The following KCTD19 variants were observed in gnomAD, a reference collection of about 807,000 sequenced individuals.
KCTD19 encodes the protein potassium channel tetramerization domain containing 19.
In KCTD19, 67 loss-of-function variants were observed where a neutral mutation model predicts 103.5. That is an observed-to-expected ratio of 0.65 (90% CI 0.53 to 0.79). The LOEUF (loss-of-function observed/expected upper bound fraction) is 0.79, where lower values mean the gene tolerates loss of function less well. Ranked by LOEUF, KCTD19 falls within the 30% of genes least tolerant of loss-of-function variation. The pLI is 0.00. For missense variants in KCTD19, 980 were observed against 1,136.1 expected, an observed-to-expected ratio of 0.86 and a Z score of 1.98; for synonymous variants, 439 against 452.2, an observed-to-expected ratio of 0.97 and a Z score of 0.37.
rs1193884774 is a variant in KCTD19, at chr16:67,323,198, T to TAGGTGTACACTTA, written c.4-2326_4-2314dup. The stretch of plus-strand genomic sequence containing the variant: ...TACTATGAGCCAGCAATTCCACTCC[T>TAGGTGTACACTTA]AGGTGTACACTTAAGACAAATAAAG... On this transcript the variant is annotated intron_variant, in intron 1 of 15. Coordinates refer to ENST00000304372, the MANE Select transcript of KCTD19 (RefSeq NM_001100915.3). The surrounding 1 kb of genome is among the most constrained non-coding windows in gnomAD (Gnocchi z 4.1). Among the ~76,000 whole-genome samples, 13 of 152,224 alleles carry TAGGTGTACACTTA rather than the reference T, an allele frequency of 8.5e-5. No homozygotes were observed. The highest frequency in any genetic ancestry group is 1.9e-4 in the Non-Finnish European group (13 of 68,036).
Position 67,295,421 on chromosome 16 carries a change from C to A in KCTD19, c.1249-16G>T. The A allele has an allele frequency of 6.2e-7, 1 of 1,603,618 alleles. No individual in the cohort carries two copies. The highest frequency in any genetic ancestry group is 1.8e-4 in the Middle Eastern group (1 of 5,484). Reference sequence around the variant, plus strand: ...GTTCTGGATACTGGAGGGGGTTGGACACCGGACTCAGTCTCAGAGGCTAGG... The same window carrying A: ...GTTCTGGATACTGGAGGGGGTTGGAAACCGGACTCAGTCTCAGAGGCTAGG... On this transcript the variant is annotated splice_polypyrimidine_tract_variant and intron_variant, in intron 8 of 15. Coordinates refer to ENST00000304372, the MANE Select transcript of KCTD19 (RefSeq NM_001100915.3).
chr16:67,307,315 A>ATTTT, intron 2 of KCTD19, among the ~76,000 whole-genome samples: 1 of 138,952 alleles, frequency 7.2e-6, no homozygotes, highest in Middle Eastern at 3.7e-3. Context: ...CACCCTGCTA[A>ATTTT]TTTTTTTTTT....
intron 2 of KCTD19, among the ~76,000 whole-genome samples, chr16:67,316,165 C>T (rs1257539543): frequency 1.3e-5 from 2 of 152,160 alleles, no homozygotes; most frequent in Non-Finnish European, 2.9e-5. Context: ...CCTCAGTCTC[C>T]TGAGTAGCTG....
intron 4 of KCTD19, chr16:67,302,671 G>T (rs780397739): frequency 2.7e-4 from 45 of 164,936 alleles, no homozygotes; most frequent in Non-Finnish European, 4.9e-4. Context: ...GACTCTGGGG[G>T]AACCTGTCAC....
intron 1 of KCTD19, among the ~76,000 whole-genome samples, chr16:67,326,275 G>A (rs1299168256): frequency 6.6e-6 from 1 of 152,014 alleles, no homozygotes; most frequent in African/African-American, 2.4e-5. Flanking sequence ...CTAAAGACAG[G>A]ACCCCAACTC....
chr16:67,316,875 G>C (rs1206088002), intron 2 of KCTD19, among the ~76,000 whole-genome samples: 2 of 152,132 alleles, frequency 1.3e-5, no homozygotes, highest in Non-Finnish European at 2.9e-5. Context: ...GGAATGGGGA[G>C]GGGTGGAGAG....
chr16:67,308,957 A>G (rs2036922087), intron 2 of KCTD19, among the ~76,000 whole-genome samples: 1 of 151,872 alleles, frequency 6.6e-6, no homozygotes, highest in African/African-American at 2.4e-5. Flanking sequence ...ACATGGCAAA[A>G]CCCCAACTCT....
At chr16:67,295,740 T>C (rs2142503845) in intron 8 of KCTD19, 1 of 333,952 alleles carries the variant, frequency 3.0e-6, no homozygotes. Flanking sequence ...GGTCCACTTG[T>C]GCTCTGTTTT....
Position 67,299,528 on chromosome 16 carries a change from C to G in KCTD19, c.821G>C (p.Gly274Ala). The G allele has an allele frequency of 6.2e-7, 1 of 1,614,052 alleles. No homozygotes were observed. Among genetic ancestry groups the G allele is most frequent in the Non-Finnish European group, 8.5e-7 (1 of 1,180,034 alleles). ...TTCSPLSPGKGARTASLESVK... is the reference protein window; with the variant it reads ...TTCSPLSPGKAARTASLESVK... Reference sequence around the variant, plus strand: ...GGACTCCAGGCTGGCTGTGCGGGCCCCCTTCCCGGGGCTCAGGGGAGAACA... The same window carrying G: ...GGACTCCAGGCTGGCTGTGCGGGCCGCCTTCCCGGGGCTCAGGGGAGAACA... Residue 274 changes from glycine (G) to alanine (A), a missense_variant, in exon 6 of 16, where the codon GGG (glycine) becomes GCG (alanine). By Grantham distance (60) the Gly-to-Ala change is moderately conservative. Transcript: ENST00000304372.
rs1345003748 is a variant in KCTD19 at position 67,323,382 on chromosome 16, A to C, written c.4-2497T>G. On this transcript the variant is annotated intron_variant, in intron 1 of 15. Coordinates refer to ENST00000304372, the MANE Select transcript of KCTD19 (RefSeq NM_001100915.3). This position sits in a 1 kb window ranked among gnomAD's most constrained non-coding sequence, Gnocchi z 4.1. The stretch of plus-strand genomic sequence containing the variant: ...TTGTCAATACGAAGGAATGGGATGA[A>C]CATGGTGGCTTGTGCTTGTAATCCC... Among the ~76,000 whole-genome samples the C allele has an allele frequency of 6.6e-6, 1 of 152,156 alleles. No individual in the cohort carries two copies. Among genetic ancestry groups the C allele is most frequent in the Non-Finnish European group, 1.5e-5 (1 of 68,014 alleles).
At chr16:67,306,909 T>C (rs1293611267) in intron 2 of KCTD19, among the ~76,000 whole-genome samples, 3 of 152,184 alleles carry the variant, frequency 2.0e-5, no homozygotes, top group Non-Finnish European at 4.4e-5. Context: ...AAGTAGGCTC[T>C]GGTATCATCA....
chr16:67,314,390 A>G (rs1422082141), intron 2 of KCTD19, among the ~76,000 whole-genome samples: 1 of 151,932 alleles, frequency 6.6e-6, no homozygotes, highest in Non-Finnish European at 1.5e-5. Flanking sequence ...ATCTACTTCA[A>G]TACCCCTAAA....
chr16:67,295,539 G>T, intron 8 of KCTD19, 134 bp from the exon 9 acceptor site: 1 of 847,438 alleles, frequency 1.2e-6, no homozygotes, highest in Non-Finnish European at 1.8e-6. Flanking sequence ...TGTCTTGTCA[G>T]TCACAAGGAA....
At position 67,294,248 on chromosome 16, in the gene KCTD19, G is replaced by C. The variant is rs560071752; in HGVS notation, c.1591-77C>G. 1.3e-5 allele frequency: 19 copies of C among 1,423,002 alleles called. No homozygotes were observed. In the East Asian group the frequency reaches 3.4e-4, roughly 26 times the overall value. The allele number at this position is 1,423,002 out of a possible 1,614,324, so 88.1% of individuals were successfully genotyped here. A position where few individuals can be genotyped will look rare whatever the true frequency, so the allele number is the denominator to read the frequency against. ...CGCCTTGCCCAAGATCTAATAAGCT[G>C]GGCCTCCAAGACTTCACTTGCTCTC... On this transcript the variant is annotated intron_variant, in intron 11 of 15. Transcript: ENST00000304372.
In KCTD19 at chr16:67,320,891, G is replaced by A; in HGVS notation, c.4-6C>T. On this transcript the variant is annotated splice_polypyrimidine_tract_variant and splice_region_variant and intron_variant, in intron 1 of 15. Coordinates refer to ENST00000304372, the MANE Select transcript of KCTD19 (RefSeq NM_001100915.3). The surrounding 1 kb of genome is among the most constrained non-coding windows in gnomAD (Gnocchi z 4.0). ...TGAGCCATGCCAGACTCCTCCTAAA[G>A]GGGGAATGAAAAAGAGATCTACGCA... 6.3e-7 allele frequency: 1 copy of A among 1,590,626 alleles called. No homozygotes were observed. The highest frequency in any genetic ancestry group is 8.5e-7 in the Non-Finnish European group (1 of 1,170,552).
At chr16:67,308,110 TCTTC>T (rs1227442730) in intron 2 of KCTD19, among the ~76,000 whole-genome samples, 4 of 151,702 alleles carry the variant, frequency 2.6e-5, no homozygotes, top group East Asian at 1.9e-4. Flanking sequence ...ATCCTAAATT[TCTTC>T]CTTCCTTCCT....
intron 2 of KCTD19, among the ~76,000 whole-genome samples, chr16:67,307,862 G>A (rs918924135): frequency 8.5e-5 from 13 of 152,054 alleles, no homozygotes; most frequent in African/African-American, 1.9e-4. Flanking sequence ...TATTCCTAGC[G>A]TACTACCAAA....
At position 67,293,184 on chromosome 16, in the gene KCTD19, T is replaced by A. The variant is rs534940712; in HGVS notation, c.2218+360A>T. 6.6e-6 allele frequency among the ~76,000 whole-genome samples: 1 copy of A among 152,338 alleles called. No homozygotes were observed. Reference sequence around the variant, plus strand: ...TATGACTTCTGTCTTCAGCCTCATCTTTTATCACGTCTGCATGTGAAGCCT... The same window carrying A: ...TATGACTTCTGTCTTCAGCCTCATCATTTATCACGTCTGCATGTGAAGCCT... On this transcript the variant is annotated intron_variant, in intron 12 of 15. Coordinates refer to ENST00000304372, the MANE Select transcript of KCTD19 (RefSeq NM_001100915.3). The surrounding 1 kb of genome is among the most constrained non-coding windows in gnomAD (Gnocchi z 4.0).
rs2036991148 is a variant in KCTD19 at position 67,314,846 on chromosome 16, G to GAGAA, written c.300+5742_300+5743insTTCT. 5.2e-5 allele frequency among the ~76,000 whole-genome samples: 7 copies of GAGAA among 135,014 alleles called. No homozygotes were observed. The South Asian group carries it at 9.4e-4, about 18-fold the overall frequency. 88.6% of individuals were successfully genotyped at this position (135,014 alleles called of 152,430 possible). On this transcript the variant is annotated intron_variant, in intron 2 of 15. Coordinates refer to ENST00000304372, the MANE Select transcript of KCTD19 (RefSeq NM_001100915.3). ...ATATATATATAGAGAGAGAGAGAGA[G>GAGAA]AGAGAGAGAGAGAGAGAGAGAGAGA...
Sources: gnomAD v4.1 joint callset for allele counts (sites outside exome capture counted in the v4.1 genomes callset) on GRCh38, gnomAD v4.1.1 for gene constraint, Gnocchi (gnomAD v3.1) non-coding constraint, MANE v1.5 for transcripts, NCBI Gene and HGNC (gene_info 2026-07-23, HGNC 2026-07-21) for gene names.